FOXP2: variants seen among roughly 807,000 people sequenced by gnomAD.
FOXP2 encodes forkhead box P2, also known as forkhead box protein P2.
Under a neutral mutation model 115.8 loss-of-function variants are expected in FOXP2, and 12 were observed. The observed-to-expected ratio is 0.10, with a 90% CI of 0.07 to 0.17. FOXP2 has a LOEUF of 0.17. Ranked by LOEUF, FOXP2 falls within the 10% of genes least tolerant of loss-of-function variation. The probability of loss-of-function intolerance (pLI) is 1.00; values close to 1 mark genes in which losing one functional copy is unlikely to be tolerated. For synonymous variants in FOXP2, 328 were observed against 297.7 expected (o/e 1.10, Z -1.05); for missense variants, 629 against 843.5 (o/e 0.75, Z 3.15).
chr7:114,641,182 G>A (rs538262599), intron 6 of FOXP2, among the ~76,000 whole-genome samples: 1 of 152,114 alleles, frequency 6.6e-6, no homozygotes, highest in South Asian at 2.1e-4. Context: ...TCCATGAATT[G>A]CTTAATCATA....
At chr7:114,275,020 T>A (rs952912056) in intron 1 of FOXP2, among the ~76,000 whole-genome samples, 2 of 152,066 alleles carry the variant, frequency 1.3e-5, no homozygotes, top group African/African-American at 4.8e-5. Context: ...AGAAATTAGA[T>A]GTAATTCTTA....
At chr7:114,666,180 T>C (rs1443730702) in intron 16 of FOXP2, 1 of 152,064 alleles carries the variant, frequency 6.6e-6, no homozygotes, top group Admixed American at 6.6e-5. Context: ...AATTAGTGCA[T>C]TTGAAAAATA....
chr7:114,118,169 A>G (rs1562969679), intron 1 of FOXP2, among the ~76,000 whole-genome samples: 1 of 152,144 alleles, frequency 6.6e-6, no homozygotes, highest in Non-Finnish European at 1.5e-5. Context: ...ATTTTGTAAC[A>G]TTTATGAACA....
intron 1 of FOXP2, among the ~76,000 whole-genome samples, chr7:114,116,614 C>A (rs1791414225): frequency 6.6e-6 from 1 of 151,476 alleles, no homozygotes; most frequent in African/African-American, 2.4e-5. Context: ...GGATAAGAGT[C>A]AAAAATTAAA....
chr7:114,296,351 GT>G (rs1305732219), intron 2 of FOXP2, among the ~76,000 whole-genome samples: 1 of 152,204 alleles, frequency 6.6e-6, no homozygotes, highest in East Asian at 1.9e-4. Flanking sequence ...ATTTGCCAGA[GT>G]ACACTTTAGA....
chr7:114,469,080 C>T (rs967073455), intron 2 of FOXP2, among the ~76,000 whole-genome samples: 1 of 152,096 alleles, frequency 6.6e-6, no homozygotes, highest in African/African-American at 2.4e-5. Flanking sequence ...GTGATCGGCT[C>T]CTGTTCAACT....
chr7:114,223,213 T>C (rs1794665195), intron 1 of FOXP2, among the ~76,000 whole-genome samples: 1 of 152,038 alleles, frequency 6.6e-6, no homozygotes, highest in Non-Finnish European at 1.5e-5. Context: ...CAGTTTACAC[T>C]TCTACCAACA....
chr7:114,327,135 C>T (rs550767502), intron 2 of FOXP2, among the ~76,000 whole-genome samples: 1 of 152,302 alleles, frequency 6.6e-6, no homozygotes, highest in African/African-American at 2.4e-5. Context: ...CCCTTCCTAT[C>T]AGTGATCACA....
At chr7:114,335,374 C>A (rs1797825406) in intron 2 of FOXP2, among the ~76,000 whole-genome samples, 2 of 151,730 alleles carry the variant, frequency 1.3e-5, no homozygotes, top group Non-Finnish European at 3.0e-5. Context: ...GCTTGCATTT[C>A]TATAATGTCT....
intron 2 of FOXP2, among the ~76,000 whole-genome samples, chr7:114,322,668 G>A (rs1431757823): frequency 1.3e-5 from 2 of 152,072 alleles, no homozygotes; most frequent in African/African-American, 2.4e-5. Flanking sequence ...GGTGAAGCAT[G>A]TATTTGAAAC....
At chr7:114,638,980 T>C (rs6951781) in intron 6 of FOXP2, among the ~76,000 whole-genome samples, 132,585 of 152,124 alleles carry the variant, frequency 0.87, 59,468 homozygotes, top group Non-Finnish European at 0.99. Context: ...CATTTGTTAC[T>C]TCATTACAAT....
At chr7:114,421,682 A>G (rs1385178980) in intron 1 of FOXP2, among the ~76,000 whole-genome samples, 1 of 151,730 alleles carries the variant, frequency 6.6e-6, no homozygotes, top group Non-Finnish European at 1.5e-5. Flanking sequence ...ATGTTTTAAA[A>G]GACATCCTGC....
At chr7:114,386,995 C>A (rs567687666) in intron 2 of FOXP2, among the ~76,000 whole-genome samples, 1 of 152,262 alleles carries the variant, frequency 6.6e-6, no homozygotes, top group African/African-American at 2.4e-5. Flanking sequence ...GAACAACTTA[C>A]CTCATCAGAA....
chr7:114,367,590 T>C (rs1405576), intron 2 of FOXP2, among the ~76,000 whole-genome samples: 7,989 of 152,192 alleles, frequency 0.052, 660 homozygotes, highest in East Asian at 0.32. Context: ...AATTAGTGCT[T>C]TGGAATACAT....
rs746310762 is a variant in FOXP2, at chr7:114,415,019, C to G, written c.-352C>G. ...AGTCTTGAACCTTTGTCACCCCTCA[C>G]GTTGCACACCAAAGACATACCCTAG... is the stretch of plus-strand genomic sequence containing the variant. On this transcript the variant is annotated 5_prime_UTR_variant, in exon 1 of 17. Transcript: ENST00000350908. The G allele has an allele frequency of 1.1e-4, 51 of 450,692 alleles. No individual in the cohort carries two copies. Among genetic ancestry groups the G allele is most frequent in the Middle Eastern group, 6.9e-4 (1 of 1,442 alleles). 27.9% of individuals were successfully genotyped at this position (450,692 alleles called of 1,614,324 possible).
chr7:114,533,752 T>C (rs1395592316), intron 2 of FOXP2, among the ~76,000 whole-genome samples: 1 of 151,908 alleles, frequency 6.6e-6, no homozygotes, highest in Non-Finnish European at 1.5e-5. Context: ...AAGTTTTTGT[T>C]AATTAGTGTA....
intron 3 of FOXP2, among the ~76,000 whole-genome samples, chr7:114,624,921 A>G (rs937862663): frequency 6.8e-6 from 1 of 147,534 alleles, no homozygotes; most frequent in Non-Finnish European, 1.5e-5. Flanking sequence ...TAATACCTAA[A>G]TTTTTTTTTT....
intron 1 of FOXP2, among the ~76,000 whole-genome samples, chr7:114,224,814 C>CTGGCTAT (rs2129164705): frequency 6.6e-6 from 1 of 152,184 alleles, no homozygotes; most frequent in Admixed American, 6.5e-5. Context: ...CATAGCATGC[C>CTGGCTAT]TGGCTATTCC....
At chr7:114,420,387 A>G (rs140267890) in intron 1 of FOXP2, among the ~76,000 whole-genome samples, 1 of 151,936 alleles carries the variant, frequency 6.6e-6, no homozygotes, top group Admixed American at 6.6e-5. Flanking sequence ...TTGGAGAGCT[A>G]ATTATTTCTT....
Sources: allele counts gnomAD v4.1 joint callset (sites outside exome capture counted in the v4.1 genomes callset), GRCh38; gene constraint gnomAD v4.1.1; transcripts MANE v1.5; gene names NCBI Gene and HGNC (gene_info 2026-07-23, HGNC 2026-07-21).